The following GGTA1 variants were observed in gnomAD, a reference collection of about 807,000 sequenced individuals.
The protein encoded by GGTA1 is glycoprotein alpha-galactosyltransferase 1 (inactive).
GGTA1 carries 5 observed loss-of-function variants against 2.6 expected under a neutral mutation model. That is an observed-to-expected ratio of 1.92 (90% confidence interval 1.00 to 4.04). The LOEUF is 4.04. Ranked by LOEUF, GGTA1 falls within the 30% of genes most tolerant of loss-of-function variation. The pLI is 0.00. For missense variants in GGTA1, 50 were observed against 16.7 expected, an observed-to-expected ratio of 2.99 and a Z score of -3.47; for synonymous variants, 17 against 5.0, an observed-to-expected ratio of 3.38 and a Z score of -3.19.
intron 1 of GGTA1, among the ~76,000 whole-genome samples, chr9:121,477,962 C>T (rs1828550616): frequency 1.3e-5 from 2 of 151,030 alleles, no homozygotes; most frequent in African/African-American, 2.4e-5. Context: ...CAAGCCAGGC[C>T]AGGCCAGACC....
At chr9:121,474,685 C>G (rs771971683) in intron 1 of GGTA1, among the ~76,000 whole-genome samples, 58 of 152,198 alleles carry the variant, frequency 3.8e-4, no homozygotes, top group Admixed American at 2.4e-3. Context: ...GGAATTCTAG[C>G]AGATCCTATC....
chr9:121,488,262 G>A (rs7019584), intron 1 of GGTA1, among the ~76,000 whole-genome samples: 6,441 of 152,140 alleles, frequency 0.042, 448 homozygotes, highest in African/African-American at 0.15. Context: ...CAATCCTCCC[G>A]CCTTAGCCTG....
At chr9:121,497,218 A>G (rs1829014033) in intron 1 of GGTA1, among the ~76,000 whole-genome samples, 4 of 152,164 alleles carry the variant, frequency 2.6e-5, no homozygotes, top group Admixed American at 6.6e-5. Flanking sequence ...TAAGTTTTAC[A>G]TATCCAACCT....
chr9:121,481,927 C>T (rs987326305), intron 1 of GGTA1, among the ~76,000 whole-genome samples: 40 of 149,168 alleles, frequency 2.7e-4, no homozygotes, highest in Non-Finnish European at 4.7e-4. Context: ...ACCTGGGAGG[C>T]AGAGGTTGCA....
At chr9:121,490,872 G>A (rs1459168731) in intron 1 of GGTA1, among the ~76,000 whole-genome samples, 1 of 152,102 alleles carries the variant, frequency 6.6e-6, no homozygotes, top group Non-Finnish European at 1.5e-5. Flanking sequence ...TGGCCTATAT[G>A]CCTTCTCATT....
At chr9:121,483,519 T>C (rs1297520446) in intron 1 of GGTA1, among the ~76,000 whole-genome samples, 1 of 152,166 alleles carries the variant, frequency 6.6e-6, no homozygotes, top group East Asian at 1.9e-4. Context: ...CAGAGAACCG[T>C]AGCAAATGAG....
At chr9:121,481,630 C>T (rs1828651380) in intron 1 of GGTA1, among the ~76,000 whole-genome samples, 1 of 135,638 alleles carries the variant, frequency 7.4e-6, no homozygotes, top group Admixed American at 8.3e-5. Flanking sequence ...TGCAGTGAGC[C>T]AAGATTGCGC....
rs1828503155 is a variant in GGTA1, at chr9:121,476,075, A to G, written c.-9-8144T>C. Among the ~76,000 whole-genome samples, 1 of 152,140 alleles carries G rather than the reference A, an allele frequency of 6.6e-6. No individual in the cohort carries two copies. On this transcript the variant is annotated intron_variant, in intron 1 of 5. Coordinates refer to ENST00000481799, the MANE Select transcript of GGTA1 (RefSeq NM_001382585.1). The surrounding 1 kb of genome is among the most constrained non-coding windows in gnomAD (Gnocchi z 4.6). Reference sequence around the variant, plus strand: ...ATGCCCCCCACACAGTACCTATAATAATGATGATGCTTTTTAATGGGAGAA... The same window carrying G: ...ATGCCCCCCACACAGTACCTATAATGATGATGATGCTTTTTAATGGGAGAA...
At chr9:121,482,167 G>A (rs548163478) in intron 1 of GGTA1, among the ~76,000 whole-genome samples, 3 of 148,896 alleles carry the variant, frequency 2.0e-5, no homozygotes, top group Non-Finnish European at 4.5e-5. Flanking sequence ...ACAATCTGTT[G>A]TGCTAAAACA....
At chr9:121,487,447 G>A (rs970616550) in intron 1 of GGTA1, among the ~76,000 whole-genome samples, 4 of 151,598 alleles carry the variant, frequency 2.6e-5, no homozygotes, top group Admixed American at 6.6e-5. Flanking sequence ...TTGGTGGTGC[G>A]CACCTGTAAT....
chr9:121,457,506 C>G (rs2064921821), intron 5 of GGTA1, among the ~76,000 whole-genome samples: 1 of 151,968 alleles, frequency 6.6e-6, no homozygotes, highest in Non-Finnish European at 1.5e-5. Flanking sequence ...TGAGACCACC[C>G]TGGCTAACAC....
intron 1 of GGTA1, among the ~76,000 whole-genome samples, chr9:121,469,424 G>T (rs531339363): frequency 6.6e-6 from 1 of 152,274 alleles, no homozygotes; most frequent in African/African-American, 2.4e-5. Context: ...TGGCGGACAG[G>T]GCAAATAGAC....
intron 1 of GGTA1, among the ~76,000 whole-genome samples, chr9:121,490,552 G>T (rs192898014): frequency 6.6e-6 from 1 of 152,158 alleles, no homozygotes; most frequent in Non-Finnish European, 1.5e-5. Flanking sequence ...ACAACGGGCC[G>T]GATCCTCCCC....
intron 5 of GGTA1, among the ~76,000 whole-genome samples, chr9:121,456,570 A>T (rs1330134292): frequency 1.3e-5 from 2 of 152,000 alleles, no homozygotes; most frequent in African/African-American, 4.8e-5. Context: ...GGCATGGGTC[A>T]CCACACCTGG....
intron 7 of GGTA1, among the ~76,000 whole-genome samples, chr9:121,450,016 G>A (rs961712005): frequency 2.0e-5 from 3 of 152,174 alleles, no homozygotes; most frequent in African/African-American, 7.2e-5. Context: ...CACGTGGACT[G>A]AATTTAATGT....
chr9:121,480,061 C>CTTTTCTTTTCTTTT (rs58602847), intron 1 of GGTA1, among the ~76,000 whole-genome samples: 23,472 of 138,912 alleles, frequency 0.17, 2,488 homozygotes, highest in Middle Eastern at 0.24. Flanking sequence ...CTTTTCTTTT[C>CTTTTCTTTTCTTTT]TTTTTTTTTT....
intron 2 of GGTA1, among the ~76,000 whole-genome samples, chr9:121,466,804 T>C (rs75842924): frequency 1.9e-3 from 290 of 151,990 alleles, no homozygotes; most frequent in African/African-American, 6.7e-3. Flanking sequence ...AATACAAAAA[T>C]TAGCTGGGCG....
intron 1 of GGTA1, among the ~76,000 whole-genome samples, chr9:121,497,277 A>G (rs1829014835): frequency 6.6e-6 from 1 of 152,108 alleles, no homozygotes; most frequent in African/African-American, 2.4e-5. Flanking sequence ...TTCAGATAAA[A>G]TTATATTTAT....
intron 1 of GGTA1, among the ~76,000 whole-genome samples, chr9:121,486,328 G>A (rs1324077005): frequency 1.3e-5 from 2 of 152,220 alleles, no homozygotes; most frequent in Admixed American, 6.5e-5. Flanking sequence ...CCTACACCAC[G>A]CCCACGTGGG....
Sources: allele counts gnomAD v4.1 joint callset (sites outside exome capture counted in the v4.1 genomes callset), GRCh38; gene constraint gnomAD v4.1.1; non-coding constraint Gnocchi (gnomAD v3.1); transcripts MANE v1.5; gene names NCBI Gene and HGNC (gene_info 2026-07-23, HGNC 2026-07-21).